The following SGCZ variants were observed in gnomAD, a reference collection of about 807,000 sequenced individuals.
SGCZ encodes the protein sarcoglycan zeta, also known as zeta-sarcoglycan.
A neutral mutation model predicts 41.3 loss-of-function variants in SGCZ; 40 were observed. The ratio of observed to expected loss-of-function variants is 0.97; its 90% CI spans 0.75 to 1.26. The LOEUF is 1.26. Ranked by LOEUF, SGCZ falls within the 50% of genes most tolerant of loss-of-function variation. The pLI, the probability that SGCZ is intolerant of heterozygous loss-of-function variation, is 0.00. For missense variants in SGCZ, 552 were observed against 369.8 expected, an observed-to-expected ratio of 1.49 and a Z score of -4.04; for synonymous variants, 206 against 137.5, an observed-to-expected ratio of 1.50 and a Z score of -3.49.
chr8:14,294,081 ATATAT>A (rs2116952924), intron 3 of SGCZ, among the ~76,000 whole-genome samples: 1 of 151,960 alleles, frequency 6.6e-6, no homozygotes, highest in South Asian at 2.1e-4. Context: ...GCCAATTATA[ATATAT>A]TCTAGTTATT....
At chr8:14,194,332 CCA>C (rs1805200098) in intron 4 of SGCZ, among the ~76,000 whole-genome samples, 1 of 151,770 alleles carries the variant, frequency 6.6e-6, no homozygotes, top group Non-Finnish European at 1.5e-5. Context: ...GAAAACGAGA[CCA>C]GAGTAAGTCA....
chr8:14,834,108 A>C (rs1802618415), intron 1 of SGCZ, among the ~76,000 whole-genome samples: 1 of 152,158 alleles, frequency 6.6e-6, no homozygotes, highest in African/African-American at 2.4e-5. Context: ...AAAGGGCTTT[A>C]GATTTTTTTT....
chr8:14,874,170 A>C lies in SGCZ; in HGVS notation c.40-319244T>G, dbSNP rs1804264213. Among the ~76,000 whole-genome samples the C allele has an allele frequency of 2.0e-5, 3 of 152,272 alleles. No homozygotes were observed. The East Asian group carries it at 5.8e-4, about 29-fold the overall frequency. ...TTCATATTCTTCTAGTTATAAAGAA[A>C]AGTATGCTCTGTAATAGGACTACTT... On this transcript the variant is annotated intron_variant, in intron 1 of 7. Coordinates refer to ENST00000382080, the MANE Select transcript of SGCZ (RefSeq NM_139167.4).
At chr8:15,009,221 G>A (rs765578255) in intron 1 of SGCZ, among the ~76,000 whole-genome samples, 7 of 50,250 alleles carry the variant, frequency 1.4e-4, no homozygotes, top group Non-Finnish European at 2.3e-4. Context: ...TTTAATTATG[G>A]CAGAAAGCAA....
At chr8:14,925,599 G>T (rs1799722948) in intron 1 of SGCZ, among the ~76,000 whole-genome samples, 1 of 152,170 alleles carries the variant, frequency 6.6e-6, no homozygotes, top group Admixed American at 6.5e-5. Flanking sequence ...AAGACATTAA[G>T]TGTAATGGCA....
chr8:15,097,784 GTA>G (rs538390208), intron 1 of SGCZ, among the ~76,000 whole-genome samples: 14 of 127,942 alleles, frequency 1.1e-4, no homozygotes, highest in Admixed American at 1.6e-4. Context: ...ATATATACGT[GTA>G]TATATATATA....
intron 2 of SGCZ, among the ~76,000 whole-genome samples, chr8:14,419,088 C>T (rs993226443): frequency 1.2e-4 from 18 of 151,668 alleles, no homozygotes; most frequent in African/African-American, 4.4e-4. Context: ...AGGAACAGAC[C>T]TACAGCAAAT....
At chr8:15,127,217 T>G (rs1807729849) in intron 1 of SGCZ, among the ~76,000 whole-genome samples, 1 of 149,242 alleles carries the variant, frequency 6.7e-6, no homozygotes, top group Non-Finnish European at 1.5e-5. Context: ...ATGTAAAAAG[T>G]AGAAACATCT....
intron 2 of SGCZ, among the ~76,000 whole-genome samples, chr8:14,405,218 A>G (rs1799180745): frequency 6.6e-6 from 1 of 152,218 alleles, no homozygotes; most frequent in South Asian, 2.1e-4. Flanking sequence ...GTTGAAATAT[A>G]TGACATAGAT....
At chr8:15,035,864 A>G (rs1045328096) in intron 1 of SGCZ, among the ~76,000 whole-genome samples, 1 of 152,154 alleles carries the variant, frequency 6.6e-6, no homozygotes, top group African/African-American at 2.4e-5. Context: ...AAAGAGAGGG[A>G]TAGACTGTAA....
chr8:14,391,500 T>G (rs1026444506), intron 2 of SGCZ, among the ~76,000 whole-genome samples: 1 of 152,104 alleles, frequency 6.6e-6, no homozygotes. Flanking sequence ...TAAGGACTAC[T>G]GATATTTTTC....
intron 1 of SGCZ, among the ~76,000 whole-genome samples, chr8:14,612,796 C>T (rs1208748661): frequency 6.6e-6 from 1 of 152,120 alleles, no homozygotes; most frequent in African/African-American, 2.4e-5. Flanking sequence ...AAATGATTCT[C>T]CTGCCTCACT....
At chr8:14,723,544 C>G (rs1040083218) in intron 1 of SGCZ, among the ~76,000 whole-genome samples, 1 of 152,076 alleles carries the variant, frequency 6.6e-6, no homozygotes, top group Non-Finnish European at 1.5e-5. Context: ...CCATAGGTGC[C>G]CATCCCTCAG....
At chr8:14,976,047 G>A (rs1801468676) in intron 1 of SGCZ, among the ~76,000 whole-genome samples, 1 of 146,100 alleles carries the variant, frequency 6.8e-6, no homozygotes, top group South Asian at 2.2e-4. Flanking sequence ...TTCTGAGATG[G>A]AGCCTCAATC....
At chr8:14,287,078 C>G (rs1022215273) in intron 3 of SGCZ, among the ~76,000 whole-genome samples, 4 of 151,732 alleles carry the variant, frequency 2.6e-5, no homozygotes, top group African/African-American at 9.7e-5. Flanking sequence ...TGCTTTCTTA[C>G]AAATACATAA....
intron 1 of SGCZ, among the ~76,000 whole-genome samples, chr8:15,183,693 C>T (rs1186033401): frequency 6.6e-6 from 1 of 152,134 alleles, no homozygotes; most frequent in Non-Finnish European, 1.5e-5. Flanking sequence ...TACTTGCCAT[C>T]TATGTTACTT....
At chr8:15,100,165 TGA>T (rs2131079968) in intron 1 of SGCZ, among the ~76,000 whole-genome samples, 1 of 152,238 alleles carries the variant, frequency 6.6e-6, no homozygotes, top group African/African-American at 2.4e-5. Flanking sequence ...ATAAGACCCT[TGA>T]ATTTTCGGAT....
chr8:14,426,484 G>C lies in SGCZ; in HGVS notation c.235-102280C>G, dbSNP rs556833603. On this transcript the variant is annotated intron_variant, in intron 2 of 7. Transcript: ENST00000382080. ...CCACTAGAGAAGAAGCAGAGAGGCAGAGAACTAGAGCAAGCAGAAAACACA... is the reference window on the plus strand; with the variant it reads ...CCACTAGAGAAGAAGCAGAGAGGCACAGAACTAGAGCAAGCAGAAAACACA... 1.6e-3 allele frequency among the ~76,000 whole-genome samples: 238 copies of C among 151,846 alleles called. 1 individual carries two copies. Among genetic ancestry groups the C allele is most frequent in the African/African-American group, 5.1e-3 (208 of 41,156 alleles).
chr8:14,193,833 C>T (rs983778665), intron 4 of SGCZ, among the ~76,000 whole-genome samples: 4 of 151,662 alleles, frequency 2.6e-5, no homozygotes, highest in East Asian at 1.9e-4. Context: ...ATGTTGTAAA[C>T]GCTTTTGGTT....
Sources: gnomAD v4.1 joint callset for allele counts (sites outside exome capture counted in the v4.1 genomes callset) on GRCh38, gnomAD v4.1.1 for gene constraint, MANE v1.5 for transcripts, NCBI Gene and HGNC (gene_info 2026-07-23, HGNC 2026-07-21) for gene names.